Variants in ADARB1 observed in about 807,000 individuals in gnomAD.
ADARB1 encodes double-stranded RNA-specific editase 1.
Under a neutral mutation model 52.4 loss-of-function variants are expected in ADARB1, and 10 were observed. The observed-to-expected ratio is 0.19, with a 90% CI of 0.12 to 0.32. ADARB1 has a LOEUF of 0.32. ADARB1 is among the 10% of genes least tolerant of loss of function. ADARB1 has a pLI of 1.00. For synonymous variants in ADARB1, 349 were observed against 371.1 expected, an observed-to-expected ratio of 0.94 and a Z score of 0.68; for missense variants, 643 against 922.3, an observed-to-expected ratio of 0.70 and a Z score of 3.92.
chr21:45,218,902 T>G (rs2092914730), intron 9 of ADARB1, among the ~76,000 whole-genome samples: 1 of 152,204 alleles, frequency 6.6e-6, no homozygotes, highest in Non-Finnish European at 1.5e-5. Context: ...AAGATTCATA[T>G]CCCAAATTAG....
intron 1 of ADARB1, among the ~76,000 whole-genome samples, chr21:45,127,716 C>T (rs1335277187): frequency 6.6e-6 from 1 of 152,168 alleles, no homozygotes; most frequent in Admixed American, 6.5e-5. Flanking sequence ...CACCCCTGGA[C>T]ACACCTCCCA....
At chr21:45,083,428 G>A (rs1041457024) in intron 1 of ADARB1, among the ~76,000 whole-genome samples, 5 of 152,050 alleles carry the variant, frequency 3.3e-5, no homozygotes, top group African/African-American at 1.2e-4. Context: ...ATTCAAAATT[G>A]TTATAAAACC....
chr21:45,138,619 C>T (rs1287372216), intron 2 of ADARB1, among the ~76,000 whole-genome samples: 2 of 152,172 alleles, frequency 1.3e-5, no homozygotes, highest in South Asian at 2.1e-4. Flanking sequence ...TTCTCCTTGG[C>T]AAGAAGTGTG....
rs1485043985 is a variant in ADARB1, at chr21:45,224,774, T to A, written c.*2577T>A. 1.0e-6 allele frequency: 1 copy of A among 985,244 alleles called. No homozygotes were observed. The allele number at this position is 985,244 out of a possible 1,614,324, so 61.0% of individuals were successfully genotyped here. On this transcript the variant is annotated 3_prime_UTR_variant, in exon 11 of 11. Transcript: ENST00000348831. ...GTGACGTGCAGGGGACCAGAGGCTC[T>A]GCACTGCTCCTAGGACAGCTCATCT...
chr21:45,143,658 G>A (rs2089854475), intron 2 of ADARB1, among the ~76,000 whole-genome samples: 1 of 152,216 alleles, frequency 6.6e-6, no homozygotes, highest in African/African-American at 2.4e-5. Context: ...CTCACTCTCT[G>A]TTAACTGTGC....
At chr21:45,081,477 T>C (rs1467477187) in intron 1 of ADARB1, among the ~76,000 whole-genome samples, 1 of 152,226 alleles carries the variant, frequency 6.6e-6, no homozygotes, top group African/African-American at 2.4e-5. Flanking sequence ...AATTGTAGGC[T>C]AATGTGAGTG....
intron 1 of ADARB1, among the ~76,000 whole-genome samples, chr21:45,105,069 T>A (rs111938797): frequency 8.3e-5 from 12 of 144,978 alleles, no homozygotes; most frequent in African/African-American, 2.8e-4. Flanking sequence ...GCATGCATCG[T>A]TGCTGCTTCG....
At chr21:45,117,866 A>T (rs368797479) in intron 1 of ADARB1, among the ~76,000 whole-genome samples, 27 of 152,164 alleles carry the variant, frequency 1.8e-4, no homozygotes, top group African/African-American at 6.0e-4. Context: ...AACAATGTAC[A>T]GTTTGTGTTT....
At chr21:45,120,360 A>G (rs113069094) in intron 1 of ADARB1, among the ~76,000 whole-genome samples, 1 of 152,242 alleles carries the variant, frequency 6.6e-6, no homozygotes, top group African/African-American at 2.4e-5. Context: ...ATCTGTGCAT[A>G]TGAACGCATC....
At chr21:45,126,820 C>T (rs1272560385) in intron 1 of ADARB1, among the ~76,000 whole-genome samples, 5 of 152,208 alleles carry the variant, frequency 3.3e-5, no homozygotes. Flanking sequence ...CTGCATATCA[C>T]CTGCTCCCTC....
Position 45,226,297 on chromosome 21 carries a change from G to A in ADARB1, c.*4100G>A, listed in dbSNP as rs1041391055. On this transcript the variant is annotated 3_prime_UTR_variant, in exon 11 of 11. Coordinates refer to ENST00000348831, the MANE Select transcript of ADARB1 (RefSeq NM_001112.4). ...AACGCTAATGGAGTCAGCCCCTAAA[G>A]CTGTTTGCTTTTTCAGGCTTTGGAT... 3.3e-5 allele frequency: 5 copies of A among 152,586 alleles called. No individual in the cohort carries two copies. Among genetic ancestry groups the A allele is most frequent in the African/African-American group, 1.2e-4 (5 of 41,446 alleles). The allele number at this position is 152,586 out of a possible 1,614,324, so 9.5% of individuals were successfully genotyped here.
chr21:45,087,059 C>G (rs896798788), intron 1 of ADARB1, among the ~76,000 whole-genome samples: 1 of 152,164 alleles, frequency 6.6e-6, no homozygotes, highest in Non-Finnish European at 1.5e-5. Flanking sequence ...CTATTAGGTC[C>G]TCAGCAGATG....
chr21:45,111,272 G>A (rs924834617), intron 1 of ADARB1, among the ~76,000 whole-genome samples: 1 of 152,142 alleles, frequency 6.6e-6, no homozygotes, highest in Non-Finnish European at 1.5e-5. Context: ...GTTTGGGCGT[G>A]CCTGTTTGTT....
At chr21:45,135,668 G>A (rs971941059) in intron 2 of ADARB1, among the ~76,000 whole-genome samples, 8 of 152,258 alleles carry the variant, frequency 5.3e-5, no homozygotes, top group Non-Finnish European at 7.3e-5. Flanking sequence ...CTCAGAAGAT[G>A]AAGGCAGAGT....
chr21:45,115,219 TGAG>T, intron 1 of ADARB1, among the ~76,000 whole-genome samples: 1 of 152,310 alleles, frequency 6.6e-6, no homozygotes, highest in African/African-American at 2.4e-5. Context: ...TTGGTGGGCA[TGAG>T]GAGGTGGTCT....
At chr21:45,126,713 G>A (rs1401785993) in intron 1 of ADARB1, among the ~76,000 whole-genome samples, 2 of 152,202 alleles carry the variant, frequency 1.3e-5, no homozygotes, top group Non-Finnish European at 2.9e-5. Context: ...CTCCTGGCAA[G>A]TATGGCAGTT....
chr21:45,156,198 GTCAT>G (rs2090597450), intron 2 of ADARB1, among the ~76,000 whole-genome samples: 1 of 64,134 alleles, frequency 1.6e-5, no homozygotes, highest in South Asian at 5.8e-4. Flanking sequence ...CCCATCATCT[GTCAT>G]CCATCCATCC....
chr21:45,206,560 C>CTTTTTTT lies in ADARB1; in HGVS notation c.1747+1849_1747+1855dup, dbSNP rs71199660. Among the ~76,000 whole-genome samples the CTTTTTTT allele has an allele frequency of 4.7e-4, 26 of 54,958 alleles. 4 individuals are homozygous for CTTTTTTT. Among genetic ancestry groups the CTTTTTTT allele is most frequent in the East Asian group, 2.7e-3 (4 of 1,472 alleles). 36.1% of individuals were successfully genotyped at this position (54,958 alleles called of 152,430 possible). On this transcript the variant is annotated intron_variant, in intron 9 of 10. Coordinates refer to ENST00000348831, the MANE Select transcript of ADARB1 (RefSeq NM_001112.4). ...TTTCCTCCTCAATATCTTCTCTGGT[C>CTTTTTTT]TTTTTTTTTTTTTTTTTTTTTTTTT...
At chr21:45,115,369 G>C (rs2087769783) in intron 1 of ADARB1, among the ~76,000 whole-genome samples, 1 of 152,212 alleles carries the variant, frequency 6.6e-6, no homozygotes, top group South Asian at 2.1e-4. Context: ...TGGGAAAGCT[G>C]TCTGCTGAAT....
Sources: gnomAD v4.1 joint callset for allele counts (sites outside exome capture counted in the v4.1 genomes callset) on GRCh38, gnomAD v4.1.1 for gene constraint, MANE v1.5 for transcripts, NCBI Gene and HGNC (gene_info 2026-07-23, HGNC 2026-07-21) for gene names.